PCDHGA12: variants seen among roughly 807,000 people sequenced by gnomAD.
PCDHGA12 encodes the protein protocadherin gamma-A12.
A neutral mutation model predicts 61.1 loss-of-function variants in PCDHGA12; 43 were observed. The ratio of observed to expected loss-of-function variants is 0.70; its 90% CI spans 0.55 to 0.91. The LOEUF (loss-of-function observed/expected upper bound fraction) is 0.91, where lower values mean the gene tolerates loss of function less well. Ranked by LOEUF, PCDHGA12 falls within the 40% of genes least tolerant of loss-of-function variation. PCDHGA12 has a pLI of 0.00. For missense variants in PCDHGA12, 1,236 were observed against 1,227.7 expected (o/e 1.01, Z -0.10); for synonymous variants, 520 against 542.9 (o/e 0.96, Z 0.59).
At chr5:141,455,860 ATTATTTAT>A (rs145569377) in intron 1 of PCDHGA12, among the ~76,000 whole-genome samples, 26,605 of 139,696 alleles carry the variant, frequency 0.19, 2,610 homozygotes, top group Middle Eastern at 0.23. Context: ...AATTTCTTTT[ATTATTTAT>A]TTATTTATTT....
At position 141,477,550 on chromosome 5, in the gene PCDHGA12, C is replaced by T. The variant is rs1262360790; in HGVS notation, c.2425-17257C>T. The T allele has an allele frequency of 4.3e-6, 7 of 1,614,178 alleles. No homozygotes were observed. The highest frequency in any genetic ancestry group is 5.9e-6 in the Non-Finnish European group (7 of 1,180,036). On this transcript the variant is annotated intron_variant, in intron 1 of 3. Transcript: ENST00000252085. This position sits in a 1 kb window ranked among gnomAD's most constrained non-coding sequence, Gnocchi z 4.9. ...ACCTCCCCGGGGCTCCAATACTAAACCTAAGTGTCTGGGACCCCGACGCCC... is the reference window on the plus strand; with the variant it reads ...ACCTCCCCGGGGCTCCAATACTAAATCTAAGTGTCTGGGACCCCGACGCCC...
chr5:141,455,616 A>G (rs2154565146), intron 1 of PCDHGA12, among the ~76,000 whole-genome samples: 1 of 152,244 alleles, frequency 6.6e-6, no homozygotes, highest in South Asian at 2.1e-4. Flanking sequence ...GGATGTTCTA[A>G]ACACGTGGAG....
rs200411745 is a variant in PCDHGA12, at chr5:141,490,281, C to T, written c.2425-4526C>T. The T allele has an allele frequency of 1.2e-6, 2 of 1,614,070 alleles. No homozygotes were observed. The highest frequency in any genetic ancestry group is 1.3e-5 in the African/African-American group (1 of 74,924). On this transcript the variant is annotated intron_variant, in intron 1 of 3. Transcript: ENST00000252085. This position sits in a 1 kb window ranked among gnomAD's most constrained non-coding sequence, Gnocchi z 5.4. The stretch of plus-strand genomic sequence containing the variant: ...ATGTGGGGGATGTCAATGACAATGC[C>T]CCAGAGGTGCTATTGGCCTCTTTGG...
Position 141,491,608 on chromosome 5 carries a change from C to T in PCDHGA12, c.2425-3199C>T. On this transcript the variant is annotated intron_variant, in intron 1 of 3. Transcript: ENST00000252085. This position sits in a 1 kb window ranked among gnomAD's most constrained non-coding sequence, Gnocchi z 6.9. Reference sequence around the variant, plus strand: ...CTCGGACGGCAGTGACTTCACTTTTCTAAGACCCCTCAGCGTTCAGCAGCC... The same window carrying T: ...CTCGGACGGCAGTGACTTCACTTTTTTAAGACCCCTCAGCGTTCAGCAGCC... 6.2e-7 allele frequency: 1 copy of T among 1,613,942 alleles called. No individual in the cohort carries two copies. The highest frequency in any genetic ancestry group is 1.1e-5 in the South Asian group (1 of 91,086).
Position 141,486,427 on chromosome 5 carries a change from A to G in PCDHGA12, c.2425-8380A>G. On this transcript the variant is annotated intron_variant, in intron 1 of 3. Transcript: ENST00000252085. This position sits in a 1 kb window ranked among gnomAD's most constrained non-coding sequence, Gnocchi z 5.0. ...CTGGACCCTTGGATCGAGAGGCCAA[A>G]TCTAGCTATGACATCATGGTCACTG... The G allele has an allele frequency of 6.2e-7, 1 of 1,614,160 alleles. No homozygotes were observed. Among genetic ancestry groups the G allele is most frequent in the Non-Finnish European group, 8.5e-7 (1 of 1,180,016 alleles).
intron 1 of PCDHGA12, among the ~76,000 whole-genome samples, chr5:141,434,692 A>G (rs891952554): frequency 8.5e-5 from 13 of 152,082 alleles, no homozygotes; most frequent in African/African-American, 2.4e-4. Flanking sequence ...CTTGCTGTTA[A>G]TAAATATGTG....
At chr5:141,469,964 G>T (rs974494589) in intron 1 of PCDHGA12, among the ~76,000 whole-genome samples, 2 of 152,002 alleles carry the variant, frequency 1.3e-5, no homozygotes, top group Non-Finnish European at 2.9e-5. Flanking sequence ...AACCCCATCT[G>T]TACCAAAAAT....
chr5:141,447,135 GT>G (rs905717632), intron 1 of PCDHGA12, among the ~76,000 whole-genome samples: 1 of 151,698 alleles, frequency 6.6e-6, no homozygotes, highest in South Asian at 2.1e-4. Flanking sequence ...TTGTTTGTTT[GT>G]TTTTTGTTTT....
Position 141,511,303 on chromosome 5 carries a change from C to T in PCDHGA12, c.*130C>T, listed in dbSNP as rs2099883709. 2.7e-6 allele frequency: 4 copies of T among 1,490,160 alleles called. No homozygotes were observed. Among genetic ancestry groups the T allele is most frequent in the Non-Finnish European group, 3.6e-6 (4 of 1,116,196 alleles). 92.3% of individuals were successfully genotyped at this position (1,490,160 alleles called of 1,614,324 possible). ...CTGGTAGGGGCCAAGGCCATGCTCC[C>T]CTTGGGAAACAGAAACAAGTGCCCA... On this transcript the variant is annotated 3_prime_UTR_variant, in exon 4 of 4. Coordinates refer to ENST00000252085, the MANE Select transcript of PCDHGA12 (RefSeq NM_003735.3).
At chr5:141,506,962 G>A (rs2099857578) in intron 3 of PCDHGA12, 1 of 152,196 alleles carries the variant, frequency 6.6e-6, no homozygotes, top group Non-Finnish European at 1.5e-5. Context: ...CCTCTCAATA[G>A]CTCTGCAAGG....
At chr5:141,438,627 TATATATATAC>T (rs572501359) in intron 1 of PCDHGA12, among the ~76,000 whole-genome samples, 778 of 47,938 alleles carry the variant, frequency 0.016, 4 homozygotes, top group East Asian at 0.059. Context: ...TATATATATA[TATATATATAC>T]ACACACACAC....
In PCDHGA12 at chr5:141,490,007, C is replaced by T. The variant is rs766407642; in HGVS notation, c.2425-4800C>T. On this transcript the variant is annotated intron_variant, in intron 1 of 3. Coordinates refer to ENST00000252085, the MANE Select transcript of PCDHGA12 (RefSeq NM_003735.3). The surrounding 1 kb of genome is among the most constrained non-coding windows in gnomAD (Gnocchi z 5.4). ...CGTGTGGGAATCCCAGAGAATGCACCCATTGGTACTCTGCTGCTCCGCCTC... is the reference window on the plus strand; with the variant it reads ...CGTGTGGGAATCCCAGAGAATGCACTCATTGGTACTCTGCTGCTCCGCCTC... 6.2e-7 allele frequency: 1 copy of T among 1,614,200 alleles called. No homozygotes were observed. The highest frequency in any genetic ancestry group is 8.5e-7 in the Non-Finnish European group (1 of 1,180,016).
Position 141,477,230 on chromosome 5 carries a change from G to A in PCDHGA12, c.2425-17577G>A, listed in dbSNP as rs768648952. The A allele has an allele frequency of 1.3e-5, 21 of 1,614,164 alleles. No individual in the cohort carries two copies. The highest frequency in any genetic ancestry group is 1.8e-5 in the Non-Finnish European group (21 of 1,180,046). On this transcript the variant is annotated intron_variant, in intron 1 of 3. Coordinates refer to ENST00000252085, the MANE Select transcript of PCDHGA12 (RefSeq NM_003735.3). This position sits in a 1 kb window ranked among gnomAD's most constrained non-coding sequence, Gnocchi z 4.9. ...GGATGCCCCTCTGGGGACTGTCATC[G>A]CTTTGCTCAGTGTGACTGACCTGGA...
At chr5:141,445,364 C>T (rs1374418361) in intron 1 of PCDHGA12, among the ~76,000 whole-genome samples, 1 of 152,158 alleles carries the variant, frequency 6.6e-6, no homozygotes, top group African/African-American at 2.4e-5. Flanking sequence ...CAAGTCTGGT[C>T]CTGGGTGGTT....
rs1326004540 is a variant in PCDHGA12 at position 141,477,117 on chromosome 5, C to T, written c.2425-17690C>T. Reference sequence around the variant, plus strand: ...GACAAGGGCGCCAATCCCGAAGGAGCACATTGCAAAGTGTTGGTGGAGGTT... The same window carrying T: ...GACAAGGGCGCCAATCCCGAAGGAGTACATTGCAAAGTGTTGGTGGAGGTT... On this transcript the variant is annotated intron_variant, in intron 1 of 3. Coordinates refer to ENST00000252085, the MANE Select transcript of PCDHGA12 (RefSeq NM_003735.3). The surrounding 1 kb of genome is among the most constrained non-coding windows in gnomAD (Gnocchi z 4.9). 1.2e-6 allele frequency: 2 copies of T among 1,614,246 alleles called. No homozygotes were observed. Among genetic ancestry groups the T allele is most frequent in the East Asian group, 4.5e-5 (2 of 44,886 alleles).
Position 141,487,424 on chromosome 5 carries a change from C to T in PCDHGA12, c.2425-7383C>T, listed in dbSNP as rs759893122. 5 of 1,613,982 alleles carry T rather than the reference C, an allele frequency of 3.1e-6. No individual in the cohort carries two copies. The highest frequency in any genetic ancestry group is 1.7e-5 in the Admixed American group (1 of 60,000). On this transcript the variant is annotated intron_variant, in intron 1 of 3. Transcript: ENST00000252085. The surrounding 1 kb of genome is among the most constrained non-coding windows in gnomAD (Gnocchi z 5.0). ...GCTTCCCCCTTCCAATGGGATCCTC[C>T]GAATCCAGCTAGGGTCAGATGACCC...
chr5:141,504,963 AC>A (rs1409940135), intron 2 of PCDHGA12, among the ~76,000 whole-genome samples: 1 of 152,038 alleles, frequency 6.6e-6, no homozygotes, highest in Non-Finnish European at 1.5e-5. Context: ...AATGCATTGG[AC>A]CAGCCTGGCC....
intron 2 of PCDHGA12, among the ~76,000 whole-genome samples, chr5:141,501,620 T>G (rs1393018933): frequency 6.6e-6 from 1 of 152,090 alleles, no homozygotes; most frequent in Non-Finnish European, 1.5e-5. Context: ...GACTCTGGTA[T>G]AGTCTCTCAA....
intron 1 of PCDHGA12, among the ~76,000 whole-genome samples, chr5:141,448,838 T>C (rs2098609981): frequency 6.6e-6 from 1 of 151,802 alleles, no homozygotes; most frequent in Non-Finnish European, 1.5e-5. Flanking sequence ...CCAGCTACTC[T>C]GGAGGCTGAG....
Sources: gnomAD v4.1 joint callset for allele counts (sites outside exome capture counted in the v4.1 genomes callset) on GRCh38, gnomAD v4.1.1 for gene constraint, Gnocchi (gnomAD v3.1) non-coding constraint, MANE v1.5 for transcripts, NCBI Gene and HGNC (gene_info 2026-07-23, HGNC 2026-07-21) for gene names.